Variants in DLG2 observed in about 807,000 individuals in gnomAD.
The protein encoded by DLG2 is disks large homolog 2.
Under a neutral mutation model 132.5 loss-of-function variants are expected in DLG2, and 45 were observed. The ratio of observed to expected loss-of-function variants is 0.34; its 90% CI spans 0.27 to 0.44. The LOEUF is 0.44. Among genes scored for constraint, DLG2 ranks in the 20% least tolerant of loss-of-function variants. The probability of loss-of-function intolerance (pLI) is 1.00; values close to 1 mark genes in which losing one functional copy is unlikely to be tolerated. For missense variants in DLG2, 1,045 were observed against 1,196.9 expected (o/e 0.87, Z 1.87); for synonymous variants, 424 against 419.6 (o/e 1.01, Z -0.13).
intron 21 of DLG2, among the ~76,000 whole-genome samples, chr11:83,531,352 A>C (rs2141023039): frequency 6.6e-6 from 1 of 152,214 alleles, no homozygotes; most frequent in African/African-American, 2.4e-5. Flanking sequence ...AAAGGATCTC[A>C]ATAAACATTT....
In DLG2 at chr11:85,145,627, T is replaced by C. The variant is rs1363679987; in HGVS notation, c.282+8929A>G. On this transcript the variant is annotated intron_variant, in intron 5 of 27. Coordinates refer to ENST00000376104, the MANE Select transcript of DLG2 (RefSeq NM_001142699.3). ...ACTCTTCAGAGATTCGAAAGCATTTTTCATTTTGACAATAGAAATTTTTCA... is the reference window on the plus strand; with the variant it reads ...ACTCTTCAGAGATTCGAAAGCATTTCTCATTTTGACAATAGAAATTTTTCA... Among the ~76,000 whole-genome samples the C allele has an allele frequency of 2.0e-5, 3 of 152,164 alleles. No individual in the cohort carries two copies. In the East Asian group the frequency reaches 5.8e-4, roughly 30 times the overall value.
At chr11:85,591,349 C>T (rs1200909129) in intron 3 of DLG2, among the ~76,000 whole-genome samples, 5 of 152,200 alleles carry the variant, frequency 3.3e-5, no homozygotes, top group African/African-American at 7.2e-5. Context: ...ATATCAAGGA[C>T]ATTTTGAATC....
intron 20 of DLG2, among the ~76,000 whole-genome samples, chr11:83,538,722 ACT>A (rs1192100742): frequency 6.6e-6 from 1 of 151,962 alleles, no homozygotes; most frequent in East Asian, 1.9e-4. Context: ...GATGGAATTC[ACT>A]CTCTGTCTGC....
At chr11:83,540,516 C>A (rs1592768060) in intron 20 of DLG2, among the ~76,000 whole-genome samples, 1 of 152,172 alleles carries the variant, frequency 6.6e-6, no homozygotes, top group Non-Finnish European at 1.5e-5. Context: ...GGTAAGAGAA[C>A]AGCTGAGGAC....
chr11:84,019,340 A>G lies in DLG2; in HGVS notation c.920-38698T>C, dbSNP rs540128967. 2.0e-5 allele frequency among the ~76,000 whole-genome samples: 3 copies of G among 152,264 alleles called. No individual in the cohort carries two copies. The South Asian group carries it at 6.2e-4, about 32-fold the overall frequency. ...AGAGTTTTGTGACCTCAAGGTTATA[A>G]GTCCAAGTTTATATTGAAAATTTTA... On this transcript the variant is annotated intron_variant, in intron 11 of 27. Transcript: ENST00000376104.
chr11:85,317,950 A>G (rs948749116), intron 3 of DLG2, among the ~76,000 whole-genome samples: 2 of 151,860 alleles, frequency 1.3e-5, no homozygotes, highest in African/African-American at 2.4e-5. Context: ...GTAAGTGTGC[A>G]CATCTGTGTG....
intron 6 of DLG2, among the ~76,000 whole-genome samples, chr11:84,909,076 T>C (rs1248276383): frequency 6.6e-6 from 1 of 152,004 alleles, no homozygotes; most frequent in Non-Finnish European, 1.5e-5. Flanking sequence ...GTCTGAATAG[T>C]CCAGAAACCT....
At chr11:85,497,266 G>A (rs1273541206) in intron 3 of DLG2, among the ~76,000 whole-genome samples, 2 of 151,702 alleles carry the variant, frequency 1.3e-5, no homozygotes, top group African/African-American at 2.4e-5. Context: ...CACAGTACGA[G>A]AATTTAGTGA....
At chr11:84,059,547 T>G (rs1353755510) in intron 10 of DLG2, 63 bp from the exon 11 acceptor site, 1 of 1,289,610 alleles carries the variant, frequency 7.8e-7, no homozygotes, top group Non-Finnish European at 1.0e-6. Flanking sequence ...AAGAATATTA[T>G]TATGTTTATC....
chr11:85,160,638 G>T (rs575787139), intron 4 of DLG2, among the ~76,000 whole-genome samples: 4 of 152,148 alleles, frequency 2.6e-5, no homozygotes, highest in Admixed American at 6.5e-5. Context: ...GTATATACAT[G>T]ATTGAGCTCA....
chr11:85,367,474 T>C (rs1425095489), intron 3 of DLG2, among the ~76,000 whole-genome samples: 2 of 152,166 alleles, frequency 1.3e-5, no homozygotes, highest in Non-Finnish European at 2.9e-5. Flanking sequence ...CAGTAAGCAC[T>C]TGAAAATGTT....
At chr11:84,197,793 C>T (rs1272394445) in intron 8 of DLG2, among the ~76,000 whole-genome samples, 1 of 152,144 alleles carries the variant, frequency 6.6e-6, no homozygotes, top group Non-Finnish European at 1.5e-5. Context: ...AATCCTAACA[C>T]ATACTGTGAG....
At chr11:83,658,112 C>T (rs974230674) in intron 18 of DLG2, among the ~76,000 whole-genome samples, 13 of 152,206 alleles carry the variant, frequency 8.5e-5, no homozygotes, top group African/African-American at 3.1e-4. Flanking sequence ...ATATTAGCTA[C>T]TTCTATTACT....
chr11:83,945,806 CTGTGTGTGTGTGTGTG>C (rs56913664), intron 14 of DLG2, among the ~76,000 whole-genome samples: 1 of 136,290 alleles, frequency 7.3e-6, no homozygotes, highest in African/African-American at 2.7e-5. Context: ...AGAAATGCCT[CTGTGTGTGTGTGTGTG>C]TGTGTGTGTG....
At chr11:84,416,176 T>A (rs1224889995) in intron 7 of DLG2, among the ~76,000 whole-genome samples, 2 of 150,440 alleles carry the variant, frequency 1.3e-5, no homozygotes, top group Non-Finnish European at 1.5e-5. Flanking sequence ...TTTTGTTCTA[T>A]TTAGTTTCTT....
chr11:85,330,827 G>T (rs1165768162), intron 3 of DLG2, among the ~76,000 whole-genome samples: 1 of 148,360 alleles, frequency 6.7e-6, no homozygotes, highest in Non-Finnish European at 1.5e-5. Context: ...AAGAAGTTGG[G>T]ATGTAAATTT....
intron 3 of DLG2, among the ~76,000 whole-genome samples, chr11:85,296,327 T>C (rs1034485668): frequency 3.3e-5 from 5 of 152,094 alleles, no homozygotes; most frequent in South Asian, 2.1e-4. Context: ...ACATTATCCA[T>C]AGAGACACAT....
At chr11:83,906,469 A>G (rs1197531928) in intron 15 of DLG2, among the ~76,000 whole-genome samples, 1 of 152,058 alleles carries the variant, frequency 6.6e-6, no homozygotes, top group Non-Finnish European at 1.5e-5. Flanking sequence ...AGAGGAGGTA[A>G]GCCTCATAAG....
intron 6 of DLG2, among the ~76,000 whole-genome samples, chr11:84,979,466 A>T (rs2055407469): frequency 6.6e-6 from 1 of 152,242 alleles, no homozygotes; most frequent in Admixed American, 6.5e-5. Flanking sequence ...ACCATGGAAT[A>T]CTATGCAGCC....
Sources: allele counts gnomAD v4.1 joint callset (sites outside exome capture counted in the v4.1 genomes callset), GRCh38; gene constraint gnomAD v4.1.1; transcripts MANE v1.5; gene names NCBI Gene and HGNC (gene_info 2026-07-23, HGNC 2026-07-21).